MYBL2: variants seen among roughly 807,000 people sequenced by gnomAD.
The protein encoded by MYBL2 is MYB proto-oncogene like 2.
A neutral mutation model predicts 79.9 loss-of-function variants in MYBL2; 28 were observed. The observed-to-expected ratio is 0.35, with a 90% CI of 0.26 to 0.48. MYBL2 has a LOEUF of 0.48. Among genes scored for constraint, MYBL2 ranks in the 20% least tolerant of loss-of-function variants. MYBL2 has a pLI of 0.99. For synonymous variants in MYBL2, 378 were observed against 361.2 expected (o/e 1.05, Z -0.53); for missense variants, 735 against 893.9 (o/e 0.82, Z 2.27).
chr20:43,670,004 T>A (rs1986820752), intron 1 of MYBL2, among the ~76,000 whole-genome samples: 1 of 152,226 alleles, frequency 6.6e-6, no homozygotes, highest in African/African-American at 2.4e-5. Flanking sequence ...TTCGGGAGGC[T>A]GAGGCAGGAG....
chr20:43,715,111 C>G, intron 12 of MYBL2, 23 bp from the exon 13 acceptor site: 1 of 1,613,522 alleles, frequency 6.2e-7, no homozygotes, highest in Non-Finnish European at 8.5e-7. Context: ...AATGGTGACT[C>G]CTTGACTTGG....
chr20:43,682,949 G>A, intron 4 of MYBL2, 63 bp downstream of exon 4: 1 of 1,494,106 alleles, frequency 6.7e-7, no homozygotes, highest in Non-Finnish European at 9.3e-7. Context: ...CCTGGGGACT[G>A]TGAGATTGCC....
intron 9 of MYBL2, among the ~76,000 whole-genome samples, chr20:43,709,459 T>G (rs1430262645): frequency 6.6e-6 from 1 of 152,114 alleles, no homozygotes; most frequent in African/African-American, 2.4e-5. Context: ...CATCCTGGGT[T>G]TTTCTCTGTT....
At chr20:43,690,308 C>T (rs1255689291) in intron 5 of MYBL2, among the ~76,000 whole-genome samples, 4 of 151,826 alleles carry the variant, frequency 2.6e-5, no homozygotes, top group Admixed American at 6.6e-5. Context: ...CAGGTTCAAG[C>T]GATTCTCCTG....
At chr20:43,682,662 G>C in intron 3 of MYBL2, 132 bp from the exon 4 acceptor site, 1 of 773,756 alleles carries the variant, frequency 1.3e-6, no homozygotes, top group Middle Eastern at 2.6e-4. Context: ...TGGCTGCATG[G>C]AACAGGACAC....
At chr20:43,708,714 G>A (rs1389474545) in intron 9 of MYBL2, among the ~76,000 whole-genome samples, 3 of 152,172 alleles carry the variant, frequency 2.0e-5, no homozygotes, top group East Asian at 1.9e-4. Context: ...GATTACAGGC[G>A]TGAACCACTG....
intron 5 of MYBL2, 137 bp downstream of exon 5, chr20:43,687,209 A>G: frequency 1.2e-6 from 1 of 859,070 alleles, no homozygotes. Flanking sequence ...CAGGGCTCCC[A>G]GAGGCATGCA....
chr20:43,669,045 A>G (rs747579169), intron 1 of MYBL2, among the ~76,000 whole-genome samples: 12 of 152,088 alleles, frequency 7.9e-5, no homozygotes, highest in Non-Finnish European at 1.0e-4. Context: ...TTGGATTTTT[A>G]GTAGAGATGG....
At chr20:43,682,441 C>T (rs769224761) in intron 3 of MYBL2, among the ~76,000 whole-genome samples, 2 of 152,238 alleles carry the variant, frequency 1.3e-5, no homozygotes, top group African/African-American at 4.8e-5. Flanking sequence ...CTCATCTCCC[C>T]CTCTTCTGTG....
In MYBL2 at chr20:43,702,852, C is replaced by T; in HGVS notation, c.1314C>T (p.Ser438=). 4 of 1,612,354 alleles carry T rather than the reference C, an allele frequency of 2.5e-6. No individual in the cohort carries two copies. The South Asian group carries it at 3.3e-5, about 13-fold the overall frequency. Residue 438 remains serine, a synonymous_variant, in exon 8 of 14, where the codon AGC becomes AGT. Coordinates refer to ENST00000217026, the MANE Select transcript of MYBL2 (RefSeq NM_002466.4). The part of the protein sequence containing the change: ...TSLSFLDSCN[S]LTPKSTPVKT... Reference sequence around the variant, plus strand: ...TGTCCTTCCTGGATTCCTGTAACAGCCTCACGCCCAAGAGCACACCTGTTA... The same window carrying T: ...TGTCCTTCCTGGATTCCTGTAACAGTCTCACGCCCAAGAGCACACCTGTTA...
At chr20:43,707,199 A>ATTTTT (rs1987811548) in intron 9 of MYBL2, among the ~76,000 whole-genome samples, 15 of 151,158 alleles carry the variant, frequency 9.9e-5, no homozygotes, top group African/African-American at 2.9e-4. Context: ...TTTTTTTAAA[A>ATTTTT]AAAAAAGAGA....
At chr20:43,684,531 G>A (rs553898238) in intron 4 of MYBL2, among the ~76,000 whole-genome samples, 2 of 147,434 alleles carry the variant, frequency 1.4e-5, no homozygotes, top group South Asian at 2.1e-4. Flanking sequence ...CACTGTGCCC[G>A]GCCTTTTTTT....
At chr20:43,694,070 C>T (rs1987475435) in intron 6 of MYBL2, among the ~76,000 whole-genome samples, 2 of 151,686 alleles carry the variant, frequency 1.3e-5, no homozygotes, top group African/African-American at 2.4e-5. Context: ...CGGTGGCTCA[C>T]GCCTGTAATT....
rs367784164 is a variant in MYBL2, at chr20:43,710,084, G to A, written c.1605+22G>A. On this transcript the variant is annotated intron_variant, in intron 10 of 13. Transcript: ENST00000217026. ...CCTGGTACGTGGTGTGGTCGCTGCC[G>A]TGGATCTCTGCACAGTGGGATCCCT... The A allele has an allele frequency of 1.4e-5, 22 of 1,566,672 alleles. 1 individual carries two copies. Among genetic ancestry groups the A allele is most frequent in the Admixed American group, 1.2e-4 (7 of 57,360 alleles).
intron 9 of MYBL2, among the ~76,000 whole-genome samples, chr20:43,708,382 G>A (rs1392031633): frequency 6.6e-6 from 1 of 152,108 alleles, no homozygotes; most frequent in African/African-American, 2.4e-5. Context: ...TTACAGGGGT[G>A]AGCCACAAGG....
chr20:43,669,413 G>C lies in MYBL2; in HGVS notation c.20+2110G>C, dbSNP rs148805750. On this transcript the variant is annotated intron_variant, in intron 1 of 13. Coordinates refer to ENST00000217026, the MANE Select transcript of MYBL2 (RefSeq NM_002466.4). Reference sequence around the variant, plus strand: ...GGGGCTCAGTGGAGGAACCCCTCCTGTGTGAAGGATGGCAGCTCCACAGCC... The same window carrying C: ...GGGGCTCAGTGGAGGAACCCCTCCTCTGTGAAGGATGGCAGCTCCACAGCC... Among the ~76,000 whole-genome samples, 1,210 of 152,326 alleles carry C rather than the reference G, an allele frequency of 7.9e-3. 16 individuals carry two copies. The highest frequency in any genetic ancestry group is 0.027 in the African/African-American group (1,119 of 41,584).
intron 8 of MYBL2, among the ~76,000 whole-genome samples, chr20:43,704,340 T>C (rs1392411516): frequency 6.6e-6 from 1 of 152,152 alleles, no homozygotes; most frequent in African/African-American, 2.4e-5. Flanking sequence ...AAAGGCCCTA[T>C]CTCCAAGTAT....
intron 6 of MYBL2, among the ~76,000 whole-genome samples, chr20:43,693,616 C>T (rs768093926): frequency 2.0e-4 from 31 of 152,080 alleles, no homozygotes; most frequent in South Asian, 2.1e-4. Context: ...GCATTACAGA[C>T]GTGAGCCAGC....
rs2145710956 is a variant in MYBL2, at chr20:43,678,380, C to T, written c.115-3404C>T. Among the ~76,000 whole-genome samples, 2 of 151,700 alleles carry T rather than the reference C, an allele frequency of 1.3e-5. 1 individual carries two copies. On this transcript the variant is annotated intron_variant, in intron 2 of 13. Coordinates refer to ENST00000217026, the MANE Select transcript of MYBL2 (RefSeq NM_002466.4). ...ACACTGGGGCTGATTCCTCGAGGGC[C>T]TTGAATGTTGGGCTTAGAAGCTGTA...
Sources: allele counts gnomAD v4.1 joint callset (sites outside exome capture counted in the v4.1 genomes callset), GRCh38; gene constraint gnomAD v4.1.1; transcripts MANE v1.5; gene names NCBI Gene and HGNC (gene_info 2026-07-23, HGNC 2026-07-21).